FRMPD4: variants seen among roughly 807,000 people sequenced by gnomAD.
FRMPD4 encodes FERM and PDZ domain-containing protein 4.
Under a neutral mutation model 94.1 loss-of-function variants are expected in FRMPD4, and 22 were observed. The observed-to-expected ratio is 0.23, with a 90% CI of 0.17 to 0.33. The LOEUF (loss-of-function observed/expected upper bound fraction) is 0.33. Among genes scored for constraint, FRMPD4 ranks in the 10% least tolerant of loss-of-function variants. FRMPD4 has a pLI of 1.00. For synonymous variants in FRMPD4, 631 were observed against 548.6 expected, an observed-to-expected ratio of 1.15 and a Z score of -2.10; for missense variants, 1,111 against 1,339.9, an observed-to-expected ratio of 0.83 and a Z score of 2.67.
chrX:11,998,566 C>T (rs2054508539), intron 3 of FRMPD4, among the ~76,000 whole-genome samples: 1 of 111,257 alleles, frequency 9.0e-6, no homozygotes, highest in Admixed American at 9.6e-5. Context: ...GCTACCATCG[C>T]ATTAAACTTA....
intron 1 of FRMPD4, among the ~76,000 whole-genome samples, chrX:12,496,601 C>T (rs1385103915): frequency 7.1e-5 from 8 of 112,063 alleles, no homozygotes; most frequent in African/African-American, 2.6e-4. Flanking sequence ...CGACCTGTGT[C>T]GTTAACTTTT....
intron 1 of FRMPD4, among the ~76,000 whole-genome samples, chrX:12,144,390 A>G (rs2055733746): frequency 9.0e-6 from 1 of 111,400 alleles, no homozygotes; most frequent in Non-Finnish European, 1.9e-5. Flanking sequence ...TCTGAAAATT[A>G]TCTTGAAGAA....
At chrX:12,023,362 C>T (rs1402153865) in intron 3 of FRMPD4, among the ~76,000 whole-genome samples, 1 of 111,317 alleles carries the variant, frequency 9.0e-6, no homozygotes, top group African/African-American at 3.3e-5. Context: ...AAGTTCAGAC[C>T]CCTCAGTCAT....
At chrX:11,971,191 A>G (rs957981233) in intron 3 of FRMPD4, among the ~76,000 whole-genome samples, 1 of 112,091 alleles carries the variant, frequency 8.9e-6, no homozygotes, top group African/African-American at 3.2e-5. Context: ...TTGGAGTCTG[A>G]GTTGCTGCCT....
At chrX:12,027,821 T>C (rs2054669112) in intron 3 of FRMPD4, among the ~76,000 whole-genome samples, 1 of 112,173 alleles carries the variant, frequency 8.9e-6, no homozygotes, top group South Asian at 3.7e-4. Context: ...AAAGAAATCA[T>C]TTGCTTATAA....
intron 3 of FRMPD4, among the ~76,000 whole-genome samples, chrX:12,037,978 C>A (rs1303030993): frequency 8.9e-6 from 1 of 111,773 alleles, no homozygotes; most frequent in Non-Finnish European, 1.9e-5. Flanking sequence ...CTTTTTAGTG[C>A]GGAATAGTAT....
chrX:12,665,181 G>A (rs1230413292), intron 4 of FRMPD4, among the ~76,000 whole-genome samples: 2 of 111,618 alleles, frequency 1.8e-5, no homozygotes, highest in Non-Finnish European at 3.8e-5. Context: ...AGTGGCTCAC[G>A]CCTGTAATCC....
intron 3 of FRMPD4, among the ~76,000 whole-genome samples, chrX:12,123,522 C>A (rs1296040826): frequency 8.9e-6 from 1 of 111,747 alleles, no homozygotes; most frequent in Non-Finnish European, 1.9e-5. Context: ...AAAGGAAGAA[C>A]TACATTTTCG....
chrX:12,212,426 G>A (rs960549963), intron 1 of FRMPD4, among the ~76,000 whole-genome samples: 2 of 110,594 alleles, frequency 1.8e-5, no homozygotes, highest in African/African-American at 3.3e-5. Flanking sequence ...CGGACCTAAT[G>A]GTGCAGCATC....
At chrX:12,645,218 A>G (rs768526228) in intron 4 of FRMPD4, among the ~76,000 whole-genome samples, 25 of 110,412 alleles carry the variant, frequency 2.3e-4, no homozygotes, top group Non-Finnish European at 4.0e-4. Context: ...ATTAAATATT[A>G]TCTGCTAATC....
rs188927486 is a variant in FRMPD4 at position 12,595,931 on chromosome X, T to C, written c.159-13790T>C. 2.3e-3 allele frequency among the ~76,000 whole-genome samples: 260 copies of C among 112,624 alleles called. 1 individual carries two copies. The highest frequency in any genetic ancestry group is 7.7e-3 in the African/African-American group (239 of 31,060). Reference sequence around the variant, plus strand: ...CTATATGCATTCCAATTCTTGACAGTGGTCTTGATTTATGCCAATGTAATG... The same window carrying C: ...CTATATGCATTCCAATTCTTGACAGCGGTCTTGATTTATGCCAATGTAATG... On this transcript the variant is annotated intron_variant, in intron 2 of 16. Coordinates refer to ENST00000675598, the MANE Select transcript of FRMPD4 (RefSeq NM_001368397.1).
chrX:12,128,760 C>G (rs1740099552), intron 3 of FRMPD4, among the ~76,000 whole-genome samples: 1 of 112,183 alleles, frequency 8.9e-6, no homozygotes, highest in Admixed American at 9.4e-5. Context: ...TGAGAGCACC[C>G]AAGTCACCTC....
In FRMPD4 at chrX:12,131,287, T is replaced by C. The variant is rs770820378; in HGVS notation, c.95+253269T>C. Among the ~76,000 whole-genome samples the C allele has an allele frequency of 2.7e-5, 3 of 112,302 alleles. No individual in the cohort carries two copies. The South Asian group carries it at 1.1e-3, about 42-fold the overall frequency. On this transcript the variant is annotated intron_variant, in intron 3 of 18. Coordinates refer to the FRMPD4 transcript ENST00000640291. Reference sequence around the variant, plus strand: ...AGTTATCTGGTAAAAGTTTCTGATATTGGATTTGTTCCTGTAGAACCTAGT... The same window carrying C: ...AGTTATCTGGTAAAAGTTTCTGATACTGGATTTGTTCCTGTAGAACCTAGT...
At chrX:12,319,443 A>T (rs1471837874) in intron 1 of FRMPD4, among the ~76,000 whole-genome samples, 2 of 112,235 alleles carry the variant, frequency 1.8e-5, no homozygotes, top group East Asian at 5.6e-4. Context: ...CAGGATGTTT[A>T]AAAACGACCC....
At chrX:11,848,646 A>T (rs2053599471) in intron 1 of FRMPD4, among the ~76,000 whole-genome samples, 1 of 109,013 alleles carries the variant, frequency 9.2e-6, no homozygotes, top group Admixed American at 9.9e-5. Flanking sequence ...TCAATTTGGG[A>T]TATGTAGGGT....
chrX:12,378,791 T>C (rs2056277470), intron 1 of FRMPD4, among the ~76,000 whole-genome samples: 1 of 112,209 alleles, frequency 8.9e-6, no homozygotes, highest in Non-Finnish European at 1.9e-5. Context: ...CATGATGATA[T>C]ATTTTCTTGG....
chrX:11,896,880 G>A (rs1258298746), intron 3 of FRMPD4, among the ~76,000 whole-genome samples: 1 of 111,434 alleles, frequency 9.0e-6, no homozygotes, highest in Non-Finnish European at 1.9e-5. Flanking sequence ...TGTTGATTCA[G>A]CAGGTCTGGT....
At chrX:12,444,002 T>C (rs1383130431) in intron 1 of FRMPD4, among the ~76,000 whole-genome samples, 5 of 111,387 alleles carry the variant, frequency 4.5e-5, no homozygotes, top group Non-Finnish European at 9.4e-5. Flanking sequence ...CGTTTTTTCA[T>C]GTTCTAATTT....
intron 8 of FRMPD4, 114 bp from the exon 9 acceptor site, chrX:12,694,221 G>A (rs984231931): frequency 1.1e-4 from 59 of 543,544 alleles, no homozygotes; most frequent in Non-Finnish European, 1.2e-4. Context: ...AATACTAAAA[G>A]AATATCCGCT....
Sources: allele counts gnomAD v4.1 joint callset (sites outside exome capture counted in the v4.1 genomes callset), GRCh38; gene constraint gnomAD v4.1.1; transcripts MANE v1.5; gene names NCBI Gene and HGNC (gene_info 2026-07-23, HGNC 2026-07-21).